Variants in KDM4C observed in about 807,000 individuals in gnomAD.
The protein encoded by KDM4C is lysine-specific demethylase 4C.
A neutral mutation model predicts 129.3 loss-of-function variants in KDM4C; 81 were observed. That is an observed-to-expected ratio of 0.63 (90% CI 0.52 to 0.75). The LOEUF (loss-of-function observed/expected upper bound fraction) is 0.75, where lower values mean the gene tolerates loss of function less well. KDM4C is among the 30% of genes least tolerant of loss of function. The probability of loss-of-function intolerance (pLI) is 0.00; values close to 1 mark genes in which losing one functional copy is unlikely to be tolerated. For missense variants in KDM4C, 1,457 were observed against 1,304.0 expected (o/e 1.12, Z -1.81); for synonymous variants, 573 against 456.1 (o/e 1.26, Z -3.26).
intron 8 of KDM4C, among the ~76,000 whole-genome samples, chr9:6,944,371 A>T (rs529450354): frequency 6.6e-6 from 1 of 152,316 alleles, no homozygotes; most frequent in African/African-American, 2.4e-5. Context: ...CATGCACATC[A>T]GTTCTGGAAT....
intron 1 of KDM4C, chr9:6,726,688 T>G: frequency 6.6e-6 from 1 of 152,264 alleles, no homozygotes; most frequent in East Asian, 1.9e-4. Context: ...CTGACAATCA[T>G]GTTTGCACTA....
chr9:6,728,352 G>A (rs1448206122), intron 1 of KDM4C, among the ~76,000 whole-genome samples: 3 of 151,944 alleles, frequency 2.0e-5, no homozygotes, highest in Non-Finnish European at 4.4e-5. Flanking sequence ...TGGCCAACAT[G>A]GTGAAACTCT....
intron 1 of KDM4C, among the ~76,000 whole-genome samples, chr9:6,771,080 CTTTTTTTTTTTT>C (rs35945405): frequency 4.3e-3 from 245 of 56,974 alleles, no homozygotes; most frequent in African/African-American, 0.017. Context: ...GACTGTGAAT[CTTTTTTTTTTTT>C]TTTTTTTTTT....
At chr9:7,029,797 A>G (rs980462419) in intron 15 of KDM4C, among the ~76,000 whole-genome samples, 1 of 152,230 alleles carries the variant, frequency 6.6e-6, no homozygotes, top group South Asian at 2.1e-4. Context: ...ATGTAACATC[A>G]TAGAAAGTCA....
At chr9:6,883,408 G>T (rs891766461) in intron 6 of KDM4C, among the ~76,000 whole-genome samples, 1 of 152,168 alleles carries the variant, frequency 6.6e-6, no homozygotes, top group African/African-American at 2.4e-5. Context: ...ATCAATGTGT[G>T]GTGCGTCAGG....
At position 7,103,625 on chromosome 9, in the gene KDM4C, G is replaced by A. The variant is rs1033184797; in HGVS notation, c.2425-60G>A. The A allele has an allele frequency of 6.5e-6, 5 of 768,658 alleles. No individual in the cohort carries two copies. The African/African-American group carries it at 7.4e-5, about 11-fold the overall frequency. The allele number at this position is 768,658 out of a possible 1,614,324, so 47.6% of individuals were successfully genotyped here. On this transcript the variant is annotated intron_variant, in intron 17 of 21. Coordinates refer to ENST00000381309, the MANE Select transcript of KDM4C (RefSeq NM_015061.6). The stretch of plus-strand genomic sequence containing the variant: ...TCTAGTAGCTATTGTTCTGTAAATT[G>A]TGGGAACTGACTGGGTTACAGAATG...
At chr9:6,800,966 A>G (rs1450822554) in intron 2 of KDM4C, among the ~76,000 whole-genome samples, 2 of 152,148 alleles carry the variant, frequency 1.3e-5, no homozygotes, top group Non-Finnish European at 2.9e-5. Flanking sequence ...TGGAGGATAT[A>G]AAATATGTAG....
At chr9:6,922,153 G>A (rs1394645397) in intron 8 of KDM4C, among the ~76,000 whole-genome samples, 1 of 152,216 alleles carries the variant, frequency 6.6e-6, no homozygotes, top group Non-Finnish European at 1.5e-5. Context: ...AATGAAGCAT[G>A]CAGACTTTTA....
At position 6,935,658 on chromosome 9, in the gene KDM4C, C is replaced by G. The variant is rs539684494; in HGVS notation, c.921+42426C>G. 6.6e-5 allele frequency among the ~76,000 whole-genome samples: 10 copies of G among 151,986 alleles called. No homozygotes were observed. In the East Asian group the frequency reaches 1.7e-3, roughly 26 times the overall value. ...ATTTCTCATTGTAATATTTCATAAC[C>G]AATGTCTTTTCTTAACAGAATCATC... On this transcript the variant is annotated intron_variant, in intron 8 of 21. Coordinates refer to ENST00000381309, the MANE Select transcript of KDM4C (RefSeq NM_015061.6).
At chr9:6,949,403 G>C (rs1202626060) in intron 8 of KDM4C, among the ~76,000 whole-genome samples, 3 of 152,138 alleles carry the variant, frequency 2.0e-5, no homozygotes, top group Non-Finnish European at 2.9e-5. Flanking sequence ...ACGATGAGTG[G>C]CCAGGCAGAG....
intron 15 of KDM4C, 41 bp from the exon 16 acceptor site, chr9:7,046,821 T>G (rs1305777319): frequency 7.3e-7 from 1 of 1,360,632 alleles, no homozygotes; most frequent in African/African-American, 1.4e-5. Flanking sequence ...ACTTTTGTTA[T>G]GTGGGTCTGG....
chr9:6,826,087 C>A (rs1165387422), intron 4 of KDM4C, among the ~76,000 whole-genome samples: 2 of 152,136 alleles, frequency 1.3e-5, no homozygotes, highest in African/African-American at 4.8e-5. Flanking sequence ...TACGGGATTA[C>A]TGGCATGAGC....
chr9:7,128,163 C>T lies in KDM4C; in HGVS notation c.2708C>T (p.Thr903Ile). The T allele has an allele frequency of 1.2e-6, 2 of 1,613,024 alleles. No homozygotes were observed. The highest frequency in any genetic ancestry group is 1.1e-5 in the South Asian group (1 of 90,942). The part of the protein sequence containing the change: ...RYYSCRVMAV[T>I]SQTFYEVMFD... ...TACAGTTGCAGAGTGATGGCTGTGACATCGCAGACCTTCTATGAGGTCATG... is the reference window on the plus strand; with the variant it reads ...TACAGTTGCAGAGTGATGGCTGTGATATCGCAGACCTTCTATGAGGTCATG... The change falls in exon 19 of 22, where the codon ACA (threonine) becomes ATA (isoleucine). Residue 903 changes from threonine (T) to isoleucine (I), a missense_variant. Transcript: ENST00000381309.
intron 17 of KDM4C, among the ~76,000 whole-genome samples, chr9:7,054,284 A>T (rs948773686): frequency 6.6e-6 from 1 of 152,236 alleles, no homozygotes; most frequent in Admixed American, 6.5e-5. Flanking sequence ...CCCAAGTGGT[A>T]TAGATTTAGA....
chr9:6,967,239 C>T (rs1831146136), intron 8 of KDM4C, among the ~76,000 whole-genome samples: 1 of 151,934 alleles, frequency 6.6e-6, no homozygotes, highest in South Asian at 2.1e-4. Context: ...ACCTTGCCAA[C>T]ATGGTGAAAC....
chr9:6,734,566 T>C, intron 1 of KDM4C: 1 of 210,630 alleles, frequency 4.7e-6, no homozygotes, highest in Non-Finnish European at 9.4e-6. Context: ...GGTGCTGGGA[T>C]TACAGGAGTG....
rs1563993239 is a variant in KDM4C, at chr9:7,019,744, A to AATATTTTTATATATAAAAAT, written c.2259+3819_2259+3838dup. Among the ~76,000 whole-genome samples the AATATTTTTATATATAAAAAT allele has an allele frequency of 8.9e-5, 8 of 90,100 alleles. No individual in the cohort carries two copies. In the East Asian group the frequency reaches 3.1e-3, roughly 35 times the overall value. 59.1% of individuals were successfully genotyped at this position (90,100 alleles called of 152,430 possible). A position where few individuals can be genotyped will look rare whatever the true frequency, so the allele number is the denominator to read the frequency against. The stretch of plus-strand genomic sequence containing the variant: ...ATAATATTTTTATATATAAAAATAT[A>AATATTTTTATATATAAAAAT]ATATTTTTATATATAAAAATATAAT... On this transcript the variant is annotated intron_variant, in intron 15 of 21. Transcript: ENST00000381309.
At chr9:6,801,310 T>C (rs958519746) in intron 2 of KDM4C, among the ~76,000 whole-genome samples, 1 of 135,160 alleles carries the variant, frequency 7.4e-6, no homozygotes, top group Admixed American at 8.5e-5. Context: ...TGGAGTGCAG[T>C]GGCGTGATCT....
chr9:6,905,948 G>C (rs921755933), intron 8 of KDM4C, among the ~76,000 whole-genome samples: 4 of 152,094 alleles, frequency 2.6e-5, no homozygotes, highest in Admixed American at 2.6e-4. Context: ...TTGGAGTTCA[G>C]ATCCATATTT....
Sources: allele counts gnomAD v4.1 joint callset (sites outside exome capture counted in the v4.1 genomes callset), GRCh38; gene constraint gnomAD v4.1.1; transcripts MANE v1.5; gene names NCBI Gene and HGNC (gene_info 2026-07-23, HGNC 2026-07-21).